Variants in TSPEAR observed in about 807,000 individuals in gnomAD.
The protein encoded by TSPEAR is thrombospondin type laminin G domain and EAR repeats.
A neutral mutation model predicts 71.6 loss-of-function variants in TSPEAR; 69 were observed. That is an observed-to-expected ratio of 0.96 (90% confidence interval 0.79 to 1.18). The LOEUF (loss-of-function observed/expected upper bound fraction) is 1.18. Among genes scored for constraint, TSPEAR ranks in the 50% most tolerant of loss-of-function variants. TSPEAR has a pLI of 0.00. For missense variants in TSPEAR, 971 were observed against 894.9 expected, an observed-to-expected ratio of 1.09 and a Z score of -1.09; for synonymous variants, 402 against 387.2, an observed-to-expected ratio of 1.04 and a Z score of -0.45.
At chr21:44,668,621 C>T (rs1239295101) in intron 1 of TSPEAR, among the ~76,000 whole-genome samples, 2 of 152,176 alleles carry the variant, frequency 1.3e-5, no homozygotes, top group Non-Finnish European at 2.9e-5. Flanking sequence ...GGAGGAGTCA[C>T]ACTTTCTGAT....
At chr21:44,658,931 G>A (rs1205092680) in intron 1 of TSPEAR, among the ~76,000 whole-genome samples, 1 of 152,136 alleles carries the variant, frequency 6.6e-6, no homozygotes, top group Admixed American at 6.5e-5. Context: ...CAGATCCCAT[G>A]CAATACCTCA....
In TSPEAR at chr21:44,695,686, C is replaced by T. The variant is rs992500841; in HGVS notation, c.82+15747G>A. Among the ~76,000 whole-genome samples the T allele has an allele frequency of 2.6e-5, 4 of 152,186 alleles. No individual in the cohort carries two copies. The highest frequency in any genetic ancestry group is 6.5e-5 in the Admixed American group (1 of 15,280). On this transcript the variant is annotated intron_variant, in intron 1 of 11. Coordinates refer to ENST00000323084, the MANE Select transcript of TSPEAR (RefSeq NM_144991.3). The surrounding 1 kb of genome is among the most constrained non-coding windows in gnomAD (Gnocchi z 4.5). The stretch of plus-strand genomic sequence containing the variant: ...AAATCAGCCAGGATATGAATATTTA[C>T]ACCACGGATGACAGCTAACACTCCA...
In TSPEAR at chr21:44,711,380, T is replaced by C. The variant is rs1470179167; in HGVS notation, c.82+53A>G. The stretch of plus-strand genomic sequence containing the variant: ...AGTGGCATTTGTGACTCGACACCCC[T>C]CCCAGCTCCCCGGCAAGATACCCCC... On this transcript the variant is annotated intron_variant, in intron 1 of 11. Coordinates refer to ENST00000323084, the MANE Select transcript of TSPEAR (RefSeq NM_144991.3). The surrounding 1 kb of genome is among the most constrained non-coding windows in gnomAD (Gnocchi z 4.5). The C allele has an allele frequency of 1.3e-6, 2 of 1,512,242 alleles. No individual in the cohort carries two copies. Among genetic ancestry groups the C allele is most frequent in the Non-Finnish European group, 1.8e-6 (2 of 1,113,676 alleles). The allele number at this position is 1,512,242 out of a possible 1,614,324, so 93.7% of individuals were successfully genotyped here.
At chr21:44,634,054 G>A (rs1983404362) in intron 1 of TSPEAR, among the ~76,000 whole-genome samples, 1 of 152,066 alleles carries the variant, frequency 6.6e-6, no homozygotes, top group Non-Finnish European at 1.5e-5. Context: ...AGACCAGCCT[G>A]GGTAACAGAG....
intron 2 of TSPEAR, among the ~76,000 whole-genome samples, chr21:44,549,845 C>A (rs233234): frequency 1.3e-5 from 2 of 152,144 alleles, no homozygotes; most frequent in African/African-American, 2.4e-5. Flanking sequence ...CTGGAGGCCG[C>A]GTCTCTGTTC....
intron 2 of TSPEAR, among the ~76,000 whole-genome samples, chr21:44,559,393 G>A (rs2053600951): frequency 6.6e-6 from 1 of 152,216 alleles, no homozygotes; most frequent in African/African-American, 2.4e-5. Context: ...CAGGGAGGCA[G>A]CTGCAGGCCC....
intron 1 of TSPEAR, among the ~76,000 whole-genome samples, chr21:44,707,060 G>A (rs1322206479): frequency 3.9e-5 from 6 of 152,382 alleles, no homozygotes; most frequent in Non-Finnish European, 7.3e-5. Flanking sequence ...GGGGTTGTGG[G>A]ATCAGTGAGG....
intron 1 of TSPEAR, among the ~76,000 whole-genome samples, chr21:44,624,659 G>A (rs1555934016): frequency 6.6e-6 from 1 of 152,104 alleles, no homozygotes; most frequent in Non-Finnish European, 1.5e-5. Flanking sequence ...TATATTCACT[G>A]TTTCCAACTG....
At chr21:44,579,266 T>C (rs1373248606) in intron 1 of TSPEAR, among the ~76,000 whole-genome samples, 3 of 152,086 alleles carry the variant, frequency 2.0e-5, no homozygotes, top group African/African-American at 7.2e-5. Flanking sequence ...GACCCAGGCA[T>C]GGAGGCTGAG....
chr21:44,529,471 G>A (rs1485969327), intron 5 of TSPEAR, among the ~76,000 whole-genome samples: 2 of 152,172 alleles, frequency 1.3e-5, no homozygotes, highest in Non-Finnish European at 2.9e-5. Context: ...AGGGGATGAG[G>A]GATGTCAGAT....
At chr21:44,690,277 T>C (rs150664536) in intron 1 of TSPEAR, among the ~76,000 whole-genome samples, 1 of 152,354 alleles carries the variant, frequency 6.6e-6, no homozygotes, top group Non-Finnish European at 1.5e-5. Flanking sequence ...GATGAGCGGA[T>C]GCACAAATAA....
chr21:44,663,521 C>T (rs1985603287), intron 1 of TSPEAR, among the ~76,000 whole-genome samples: 2 of 151,976 alleles, frequency 1.3e-5, no homozygotes, highest in African/African-American at 4.8e-5. Flanking sequence ...TTCTACCAAA[C>T]ATTTAAAGAG....
At position 44,623,281 on chromosome 21, in the gene TSPEAR, T is replaced by C. The variant is rs1982565935; in HGVS notation, c.83-55276A>G. Among the ~76,000 whole-genome samples, 1 of 152,234 alleles carries C rather than the reference T, an allele frequency of 6.6e-6. No individual in the cohort carries two copies. Among genetic ancestry groups the C allele is most frequent in the Non-Finnish European group, 1.5e-5 (1 of 68,042 alleles). On this transcript the variant is annotated intron_variant, in intron 1 of 11. Transcript: ENST00000323084. The surrounding 1 kb of genome is among the most constrained non-coding windows in gnomAD (Gnocchi z 4.5). ...TCCTCCTGAGTTGTATATTCTTTCA[T>C]TACTCTAGTGGAGATTACAACATGA...
At position 44,506,110 on chromosome 21, in the gene TSPEAR, C is replaced by T. The variant is rs1451785299; in HGVS notation, c.1755-1229G>A. Among the ~76,000 whole-genome samples, 2 of 152,226 alleles carry T rather than the reference C, an allele frequency of 1.3e-5. No individual in the cohort carries two copies. Among genetic ancestry groups the T allele is most frequent in the South Asian group, 4.1e-4 (2 of 4,830 alleles). ...AGGACCTGCAGGACCTGCTCGTTCACAGATGTTCTCCTAGAAGCAGAAGCT... is the reference window on the plus strand; with the variant it reads ...AGGACCTGCAGGACCTGCTCGTTCATAGATGTTCTCCTAGAAGCAGAAGCT... On this transcript the variant is annotated intron_variant, in intron 10 of 11. Transcript: ENST00000323084. This position sits in a 1 kb window ranked among gnomAD's most constrained non-coding sequence, Gnocchi z 4.2.
intron 1 of TSPEAR, chr21:44,666,697 C>A (rs782135994): frequency 6.2e-7 from 1 of 1,613,634 alleles, no homozygotes; most frequent in East Asian, 2.2e-5. Context: ...GGCACACACA[C>A]AGAAGACTGG....
chr21:44,676,494 G>C, intron 1 of TSPEAR: 1 of 832,102 alleles, frequency 1.2e-6, no homozygotes. Flanking sequence ...CAGCGTGTTC[G>C]ATTCCTCTGA....
intron 1 of TSPEAR, chr21:44,637,686 G>T (rs782026582): frequency 7.5e-7 from 1 of 1,341,412 alleles, no homozygotes; most frequent in Admixed American, 2.2e-5. Context: ...TCCTCCCCCT[G>T]CCAGCAGGCC....
intron 1 of TSPEAR, among the ~76,000 whole-genome samples, chr21:44,694,348 G>A (rs578134113): frequency 6.6e-6 from 1 of 152,350 alleles, no homozygotes; most frequent in East Asian, 1.9e-4. Flanking sequence ...CTTACATGAA[G>A]TATCTAGAAC....
rs80267336 is a variant in TSPEAR, at chr21:44,642,445, C to T, written c.82+68988G>A. Among the ~76,000 whole-genome samples the T allele has an allele frequency of 9.1e-3, 1,386 of 152,222 alleles. 18 individuals are homozygous for T. Among genetic ancestry groups the T allele is most frequent in the Middle Eastern group, 0.044 (13 of 294 alleles). On this transcript the variant is annotated intron_variant, in intron 1 of 11. Transcript: ENST00000323084. The surrounding 1 kb of genome is among the most constrained non-coding windows in gnomAD (Gnocchi z 4.1). ...CGAGAGAGATAGGACTGTAGACCAA[C>T]ATCATTTAAAAAAATAATGTAAGAG...
Sources: gnomAD v4.1 joint callset for allele counts (sites outside exome capture counted in the v4.1 genomes callset) on GRCh38, gnomAD v4.1.1 for gene constraint, Gnocchi (gnomAD v3.1) non-coding constraint, MANE v1.5 for transcripts, NCBI Gene and HGNC (gene_info 2026-07-23, HGNC 2026-07-21) for gene names.